Variants in LDAH observed in about 807,000 individuals in gnomAD.
LDAH encodes the protein lipid droplet associated hydrolase.
In LDAH, 26 loss-of-function variants were observed where a neutral mutation model predicts 29.6. That is an observed-to-expected ratio of 0.88 (90% confidence interval 0.64 to 1.22). The LOEUF (loss-of-function observed/expected upper bound fraction) is 1.22, where lower values mean the gene tolerates loss of function less well. Among genes scored for constraint, LDAH ranks in the 50% most tolerant of loss-of-function variants. LDAH has a pLI of 0.00. For missense variants in LDAH, 344 were observed against 387.3 expected (o/e 0.89, Z 0.94); for synonymous variants, 117 against 133.0 (o/e 0.88, Z 0.83).
At chr2:20,695,099 G>A (rs1663339550) in intron 6 of LDAH, among the ~76,000 whole-genome samples, 1 of 152,248 alleles carries the variant, frequency 6.6e-6, no homozygotes, top group Non-Finnish European at 1.5e-5. Context: ...GCTAAGTCCA[G>A]TTCATCAGAC....
intron 4 of LDAH, among the ~76,000 whole-genome samples, chr2:20,761,087 C>T (rs946981869): frequency 6.7e-6 from 1 of 148,254 alleles, no homozygotes; most frequent in Admixed American, 6.6e-5. Flanking sequence ...TAGTATTGCT[C>T]CTTTGGATGT....
intron 5 of LDAH, among the ~76,000 whole-genome samples, chr2:20,723,433 T>C (rs986232654): frequency 2.6e-5 from 4 of 152,146 alleles, no homozygotes; most frequent in Non-Finnish European, 4.4e-5. Context: ...CACATTTATG[T>C]TTTAAGTACT....
At chr2:20,751,838 G>A (rs1461673925) in intron 4 of LDAH, among the ~76,000 whole-genome samples, 1 of 152,102 alleles carries the variant, frequency 6.6e-6, no homozygotes, top group Non-Finnish European at 1.5e-5. Context: ...AATGATGAGT[G>A]GGATATAAAA....
At chr2:20,722,174 G>C (rs566731231) in intron 5 of LDAH, among the ~76,000 whole-genome samples, 2 of 151,998 alleles carry the variant, frequency 1.3e-5, no homozygotes, top group Non-Finnish European at 2.9e-5. Context: ...TCAGGAGTTC[G>C]AGACCAGCCT....
intron 6 of LDAH, 22 bp downstream of exon 6, chr2:20,701,548 C>G: frequency 1.2e-6 from 2 of 1,600,862 alleles, no homozygotes; most frequent in Non-Finnish European, 1.7e-6. Flanking sequence ...TATCTATCCC[C>G]TTGCAGCACT....
chr2:20,812,278 A>G (rs1416406881), intron 1 of LDAH, among the ~76,000 whole-genome samples: 3 of 152,200 alleles, frequency 2.0e-5, no homozygotes, highest in African/African-American at 7.2e-5. Context: ...CCAGTCCTCA[A>G]TGGGAACCTT....
At chr2:20,729,458 G>A (rs1449068702) in intron 5 of LDAH, among the ~76,000 whole-genome samples, 2 of 152,036 alleles carry the variant, frequency 1.3e-5, no homozygotes, top group Non-Finnish European at 1.5e-5. Flanking sequence ...GTCCTGATTT[G>A]AGTTTAGAAA....
chr2:20,782,396 C>A (rs1670256903), intron 3 of LDAH, among the ~76,000 whole-genome samples: 1 of 152,180 alleles, frequency 6.6e-6, no homozygotes, highest in Non-Finnish European at 1.5e-5. Context: ...TTGATCATGA[C>A]CATATCCTTT....
rs1479692840 is a variant in LDAH at position 20,738,588 on chromosome 2, A to G, written c.703+1383T>C. 3.3e-5 allele frequency among the ~76,000 whole-genome samples: 5 copies of G among 152,204 alleles called. No individual in the cohort carries two copies. The East Asian group carries it at 7.7e-4, about 24-fold the overall frequency. ...ACCCCTTTCCTTAATAATATGGTGG[A>G]GAGATGAGGAGTTGGACCAAATGGT... On this transcript the variant is annotated intron_variant, in intron 5 of 6. Transcript: ENST00000237822.
intron 4 of LDAH, among the ~76,000 whole-genome samples, chr2:20,768,699 C>A (rs2124993154): frequency 6.6e-6 from 1 of 152,292 alleles, no homozygotes; most frequent in Non-Finnish European, 1.5e-5. Context: ...AGAACAGCAA[C>A]ACCCCAAAGA....
intron 5 of LDAH, among the ~76,000 whole-genome samples, chr2:20,736,448 T>C (rs1666794699): frequency 6.6e-6 from 1 of 151,638 alleles, no homozygotes; most frequent in South Asian, 2.1e-4. Context: ...TCTCAAAAAA[T>C]ATATAATAAT....
At chr2:20,808,963 T>C (rs1457196839) in intron 1 of LDAH, among the ~76,000 whole-genome samples, 1 of 151,956 alleles carries the variant, frequency 6.6e-6, no homozygotes, top group Admixed American at 6.6e-5. Flanking sequence ...AGACAAAATA[T>C]AGTACTAGGT....
At chr2:20,802,706 T>C (rs1489829397) in intron 1 of LDAH, among the ~76,000 whole-genome samples, 2 of 152,210 alleles carry the variant, frequency 1.3e-5, no homozygotes, top group East Asian at 3.8e-4. Flanking sequence ...TGAATTTCCC[T>C]AGTGCCCCTA....
intron 1 of LDAH, among the ~76,000 whole-genome samples, chr2:20,822,561 C>T (rs1025303226): frequency 2.0e-5 from 3 of 152,160 alleles, no homozygotes; most frequent in Non-Finnish European, 4.4e-5. Context: ...TTCTGTCTTG[C>T]GTGGGGAACA....
chr2:20,769,801 A>G (rs1669279790), intron 4 of LDAH, among the ~76,000 whole-genome samples: 2 of 152,144 alleles, frequency 1.3e-5, no homozygotes, highest in Admixed American at 6.5e-5. Context: ...AATGCTGTCA[A>G]TTTTACTCCT....
intron 2 of LDAH, among the ~76,000 whole-genome samples, chr2:20,792,679 A>G (rs1378850587): frequency 1.3e-5 from 2 of 152,182 alleles, no homozygotes; most frequent in African/African-American, 2.4e-5. Flanking sequence ...CACAGCTATT[A>G]TAACAATTAA....
intron 6 of LDAH, among the ~76,000 whole-genome samples, chr2:20,690,418 C>A (rs1032612141): frequency 3.3e-5 from 5 of 152,172 alleles, no homozygotes; most frequent in African/African-American, 9.7e-5. Flanking sequence ...TGGTTAAACG[C>A]CTAACTGATG....
intron 5 of LDAH, among the ~76,000 whole-genome samples, chr2:20,720,027 C>T (rs1665534629): frequency 6.6e-6 from 1 of 151,584 alleles, no homozygotes; most frequent in Non-Finnish European, 1.5e-5. Flanking sequence ...GAACAGTGAA[C>T]AAAGTATTTC....
chr2:20,724,356 TGTAA>T (rs1242505832), intron 5 of LDAH, among the ~76,000 whole-genome samples: 1 of 152,236 alleles, frequency 6.6e-6, no homozygotes, highest in East Asian at 1.9e-4. Flanking sequence ...TCTATCCCAC[TGTAA>T]GTAACTTAAG....
Sources: gnomAD v4.1 joint callset for allele counts (sites outside exome capture counted in the v4.1 genomes callset) on GRCh38, gnomAD v4.1.1 for gene constraint, MANE v1.5 for transcripts, NCBI Gene and HGNC (gene_info 2026-07-23, HGNC 2026-07-21) for gene names.